PCDH15: variants seen among roughly 807,000 people sequenced by gnomAD.
PCDH15 encodes the protein protocadherin-15.
Under a neutral mutation model 178.5 loss-of-function variants are expected in PCDH15, and 129 were observed. That is an observed-to-expected ratio of 0.72 (90% CI 0.63 to 0.84). PCDH15 has a LOEUF of 0.84. Among genes scored for constraint, PCDH15 ranks in the 40% least tolerant of loss-of-function variants. PCDH15 has a pLI of 0.00. For missense variants in PCDH15, 2,230 were observed against 2,099.9 expected, an observed-to-expected ratio of 1.06 and a Z score of -1.21; for synonymous variants, 800 against 732.0, an observed-to-expected ratio of 1.09 and a Z score of -1.50.
rs536546810 is a variant in PCDH15, at chr10:54,934,393, T to C, written c.-79-36893A>G. Among the ~76,000 whole-genome samples the C allele has an allele frequency of 4.6e-5, 7 of 152,108 alleles. No homozygotes were observed. In the South Asian group the frequency reaches 1.0e-3, roughly 23 times the overall value. On this transcript the variant is annotated intron_variant, in intron 2 of 5. Coordinates refer to the PCDH15 transcript ENST00000458638. Reference sequence around the variant, plus strand: ...GACTATAGTCTGAAAATACTAAAAATTTTTTTTATTGAACTCCCTGATTAT... The same window carrying C: ...GACTATAGTCTGAAAATACTAAAAACTTTTTTTATTGAACTCCCTGATTAT...
At chr10:55,205,989 T>A (rs1202887746) in intron 1 of PCDH15, among the ~76,000 whole-genome samples, 1 of 151,874 alleles carries the variant, frequency 6.6e-6, no homozygotes, top group Non-Finnish European at 1.5e-5. Context: ...CCATTCACTA[T>A]CACGAGAACA....
chr10:55,249,850 TA>T (rs1592020326), intron 1 of PCDH15, among the ~76,000 whole-genome samples: 1 of 152,130 alleles, frequency 6.6e-6, no homozygotes, highest in East Asian at 1.9e-4. Flanking sequence ...TTTTCTGGTT[TA>T]TTCATAATTT....
At chr10:55,611,984 G>A (rs775693819) in intron 2 of PCDH15, among the ~76,000 whole-genome samples, 4 of 151,966 alleles carry the variant, frequency 2.6e-5, no homozygotes, top group African/African-American at 9.7e-5. Context: ...ACTCATAGAA[G>A]TAAAGAGTAG....
chr10:54,913,849 G>T (rs1239277340), intron 2 of PCDH15, among the ~76,000 whole-genome samples: 1 of 152,186 alleles, frequency 6.6e-6, no homozygotes, highest in Non-Finnish European at 1.5e-5. Flanking sequence ...GCTGGGTTTT[G>T]CATGGGGCCT....
chr10:55,180,420 T>C (rs1404695638), intron 1 of PCDH15, among the ~76,000 whole-genome samples: 1 of 152,114 alleles, frequency 6.6e-6, no homozygotes, highest in Non-Finnish European at 1.5e-5. Flanking sequence ...GTATGTGCTT[T>C]AGATAAGTTA....
At chr10:54,388,479 G>T (rs1051605950) in intron 3 of PCDH15, among the ~76,000 whole-genome samples, 1 of 152,134 alleles carries the variant, frequency 6.6e-6, no homozygotes, top group Non-Finnish European at 1.5e-5. Context: ...CTATTCAGGA[G>T]AGGGCATGCC....
At chr10:54,201,991 C>T (rs4494232) in intron 10 of PCDH15, among the ~76,000 whole-genome samples, 135,342 of 152,228 alleles carry the variant, frequency 0.89, 60,266 homozygotes, top group East Asian at 0.98. Flanking sequence ...AACAGAATAA[C>T]GTATAATCTT....
At chr10:55,206,460 T>C (rs774195544) in intron 1 of PCDH15, among the ~76,000 whole-genome samples, 1 of 152,088 alleles carries the variant, frequency 6.6e-6, no homozygotes, top group South Asian at 2.1e-4. Context: ...ACCAGAAAAG[T>C]CTGGGTTAGT....
Position 53,840,486 on chromosome 10 carries a change from G to A in PCDH15, c.3817C>T (p.Arg1273Cys), listed in dbSNP as rs111033363. 5.6e-6 allele frequency: 9 copies of A among 1,613,444 alleles called. No homozygotes were observed. The highest frequency in any genetic ancestry group is 6.8e-6 in the Non-Finnish European group (8 of 1,179,584). Residue 1273 changes from arginine to cysteine, a missense_variant, in exon 29 of 38, where the codon CGC becomes TGC. Physicochemically the swap from Arg to Cys is radical, Grantham distance 180. Coordinates refer to ENST00000644397, the MANE Select transcript of PCDH15 (RefSeq NM_001384140.1). ...CCAGGAATTTGTTCCTGAACATAGC[G>A]ATCCAAGATCCTATAAATCAAACAA... is the stretch of plus-strand genomic sequence containing the variant. ...KIEDLTEILD[R>C]YVQEQIPGAK...
intron 3 of PCDH15, among the ~76,000 whole-genome samples, chr10:54,477,947 C>A (rs144283231): frequency 3.9e-5 from 6 of 152,026 alleles, no homozygotes; most frequent in African/African-American, 1.4e-4. Context: ...CCTACTGTTA[C>A]GCAATCATTC....
chr10:54,370,116 T>C (rs191885157), intron 4 of PCDH15, among the ~76,000 whole-genome samples: 1 of 152,058 alleles, frequency 6.6e-6, no homozygotes, highest in East Asian at 1.9e-4. Flanking sequence ...AGGTCAAAGA[T>C]ATACTTCCTC....
At chr10:55,328,835 T>C (rs1204671791) in intron 2 of PCDH15, among the ~76,000 whole-genome samples, 3 of 149,194 alleles carry the variant, frequency 2.0e-5, no homozygotes, top group Non-Finnish European at 4.5e-5. Flanking sequence ...TGCCACTTTA[T>C]ATGAAGTTCT....
At chr10:55,574,622 C>T (rs1842464087) in intron 2 of PCDH15, among the ~76,000 whole-genome samples, 1 of 151,998 alleles carries the variant, frequency 6.6e-6, no homozygotes, top group African/African-American at 2.4e-5. Context: ...GGAATCAAGT[C>T]ACACCTTAGT....
chr10:53,927,122 T>C (rs868404124), intron 25 of PCDH15, among the ~76,000 whole-genome samples: 73 of 148,948 alleles, frequency 4.9e-4, no homozygotes, highest in South Asian at 2.2e-3. Flanking sequence ...CTAGTCTGTT[T>C]GGAAGTTTTG....
chr10:54,462,571 GTGGCA>G (rs1406239315), intron 3 of PCDH15, among the ~76,000 whole-genome samples: 2 of 127,346 alleles, frequency 1.6e-5, no homozygotes, highest in Non-Finnish European at 3.1e-5. Flanking sequence ...CTGGAGTGCA[GTGGCA>G]TGATCTTGGC....
At chr10:54,298,713 C>A (rs551289991) in intron 8 of PCDH15, among the ~76,000 whole-genome samples, 1 of 152,312 alleles carries the variant, frequency 6.6e-6, no homozygotes, top group African/African-American at 2.4e-5. Flanking sequence ...CCTCACTGAA[C>A]CCCAGGTACG....
intron 23 of PCDH15, among the ~76,000 whole-genome samples, chr10:53,943,221 G>C (rs781220753): frequency 5.9e-5 from 9 of 152,004 alleles, no homozygotes; most frequent in Admixed American, 1.3e-4. Flanking sequence ...GGGCGCGGTG[G>C]CTCACTCCTG....
chr10:54,159,647 C>T (rs988969892), intron 13 of PCDH15, among the ~76,000 whole-genome samples: 10 of 151,864 alleles, frequency 6.6e-5, no homozygotes, highest in Non-Finnish European at 1.2e-4. Context: ...TATTGTGCTT[C>T]GAGATTTTGG....
At chr10:54,669,663 C>A (rs1217722433) in intron 1 of PCDH15, among the ~76,000 whole-genome samples, 1 of 147,440 alleles carries the variant, frequency 6.8e-6, no homozygotes, top group Non-Finnish European at 1.5e-5. Context: ...CCCACCCGGT[C>A]CTGCTAAATT....
Sources: gnomAD v4.1 joint callset for allele counts (sites outside exome capture counted in the v4.1 genomes callset) on GRCh38, gnomAD v4.1.1 for gene constraint, MANE v1.5 for transcripts, NCBI Gene and HGNC (gene_info 2026-07-23, HGNC 2026-07-21) for gene names.